TENM4: variants seen among roughly 807,000 people sequenced by gnomAD.
TENM4 encodes teneurin transmembrane protein 4.
A neutral mutation model predicts 243.3 loss-of-function variants in TENM4; 82 were observed. The observed-to-expected ratio is 0.34, with a 90% confidence interval of 0.28 to 0.40. The LOEUF is 0.40. Among genes scored for constraint, TENM4 ranks in the 10% least tolerant of loss-of-function variants. The pLI is 1.00. For synonymous variants in TENM4, 1,412 were observed against 1,456.3 expected, an observed-to-expected ratio of 0.97 and a Z score of 0.69; for missense variants, 3,138 against 3,673.3, an observed-to-expected ratio of 0.85 and a Z score of 3.77.
chr11:79,192,850 T>G (rs1863545721), intron 3 of TENM4, among the ~76,000 whole-genome samples: 1 of 152,206 alleles, frequency 6.6e-6, no homozygotes, highest in African/African-American at 2.4e-5. Flanking sequence ...GACGATATGA[T>G]TATTTTCCCT....
intron 6 of TENM4, among the ~76,000 whole-genome samples, chr11:79,030,444 A>G (rs918312966): frequency 2.0e-5 from 3 of 152,052 alleles, no homozygotes; most frequent in Non-Finnish European, 2.9e-5. Context: ...GCTTGATTCT[A>G]TGGGAAGGCT....
intron 1 of TENM4, among the ~76,000 whole-genome samples, chr11:79,355,048 A>C (rs1590904475): frequency 6.6e-6 from 1 of 152,362 alleles, no homozygotes; most frequent in South Asian, 2.1e-4. Flanking sequence ...TGTTGACAAG[A>C]GTTCCCTAAA....
At chr11:78,890,402 A>T (rs1855636156) in intron 8 of TENM4, among the ~76,000 whole-genome samples, 1 of 152,236 alleles carries the variant, frequency 6.6e-6, no homozygotes, top group South Asian at 2.1e-4. Flanking sequence ...AGTAACTTGG[A>T]AAGGATCTAA....
intron 6 of TENM4, among the ~76,000 whole-genome samples, chr11:79,028,913 T>A (rs1859155712): frequency 6.6e-6 from 1 of 152,094 alleles, no homozygotes; most frequent in African/African-American, 2.4e-5. Flanking sequence ...GGACTCTGAG[T>A]TTAACAAGCA....
intron 3 of TENM4, among the ~76,000 whole-genome samples, chr11:79,201,551 C>G (rs1306186567): frequency 6.6e-6 from 1 of 151,450 alleles, no homozygotes; most frequent in Non-Finnish European, 1.5e-5. Flanking sequence ...AAATAACACA[C>G]ATTTATTGGG....
At chr11:79,082,671 C>G (rs1365201592) in intron 4 of TENM4, among the ~76,000 whole-genome samples, 1 of 152,132 alleles carries the variant, frequency 6.6e-6, no homozygotes, top group Non-Finnish European at 1.5e-5. Flanking sequence ...TGCAAAGGCC[C>G]TTGGGGAGGT....
chr11:79,429,184 C>G (rs1859116130), intron 1 of TENM4, among the ~76,000 whole-genome samples: 1 of 152,184 alleles, frequency 6.6e-6, no homozygotes, highest in South Asian at 2.1e-4. Flanking sequence ...GATCTGCTGT[C>G]TCAATCTAGA....
At chr11:79,369,162 C>T (rs187979241) in intron 1 of TENM4, among the ~76,000 whole-genome samples, 1 of 152,238 alleles carries the variant, frequency 6.6e-6, no homozygotes, top group Admixed American at 6.5e-5. Flanking sequence ...TGGGAACTGT[C>T]CCTGCAGCTG....
chr11:79,314,590 G>C (rs1464058197), intron 1 of TENM4, among the ~76,000 whole-genome samples: 1 of 152,178 alleles, frequency 6.6e-6, no homozygotes, highest in Non-Finnish European at 1.5e-5. Context: ...GTCAGTCTTT[G>C]GTTCCCGGCA....
At chr11:78,668,083 A>G (rs547792348) in intron 32 of TENM4, among the ~76,000 whole-genome samples, 2 of 152,098 alleles carry the variant, frequency 1.3e-5, no homozygotes, top group Non-Finnish European at 2.9e-5. Flanking sequence ...AAGGGAACCA[A>G]CACGAGCCAG....
At chr11:79,027,732 G>A (rs1402998258) in intron 6 of TENM4, among the ~76,000 whole-genome samples, 2 of 152,148 alleles carry the variant, frequency 1.3e-5, no homozygotes, top group Non-Finnish European at 2.9e-5. Context: ...CTTTCCATAG[G>A]AGACATATTT....
chr11:79,070,148 G>T (rs756397248), intron 4 of TENM4, 139 bp from the exon 5 acceptor site: 1 of 1,099,582 alleles, frequency 9.1e-7, no homozygotes, highest in Non-Finnish European at 1.3e-6. Context: ...CCACCACTAC[G>T]CAGCCCATAA....
intron 6 of TENM4, among the ~76,000 whole-genome samples, chr11:79,039,501 G>A (rs1233927872): frequency 2.0e-5 from 3 of 152,242 alleles, no homozygotes; most frequent in Admixed American, 2.0e-4. Flanking sequence ...AGATGTGGAT[G>A]TTGTCATAGG....
chr11:78,903,244 T>C (rs766788743), intron 7 of TENM4, 24 bp downstream of exon 7: 1 of 1,484,964 alleles, frequency 6.7e-7, no homozygotes, highest in South Asian at 1.3e-5. Context: ...CTCCTCAGCC[T>C]CACCCTCCCT....
intron 9 of TENM4, among the ~76,000 whole-genome samples, chr11:78,866,494 G>C (rs1301221334): frequency 6.6e-6 from 1 of 152,026 alleles, no homozygotes; most frequent in Non-Finnish European, 1.5e-5. Context: ...TTGTGGGTAG[G>C]GGTGGGAATA....
chr11:79,336,755 C>G (rs1248253109), intron 1 of TENM4, among the ~76,000 whole-genome samples: 1 of 152,220 alleles, frequency 6.6e-6, no homozygotes, highest in African/African-American at 2.4e-5. Context: ...TCTCTACCCC[C>G]CTGCCCTTTT....
At chr11:79,337,599 C>A (rs531685901) in intron 1 of TENM4, among the ~76,000 whole-genome samples, 1 of 152,142 alleles carries the variant, frequency 6.6e-6, no homozygotes, top group Non-Finnish European at 1.5e-5. Context: ...GACGGACCTT[C>A]GCAAGGTAAA....
chr11:79,229,905 C>T (rs1444239127), intron 2 of TENM4, among the ~76,000 whole-genome samples: 1 of 151,784 alleles, frequency 6.6e-6, no homozygotes, highest in African/African-American at 2.4e-5. Flanking sequence ...CAGCTCACTG[C>T]AGCCTGGAAC....
At chr11:79,422,388 T>C (rs1459732579) in intron 1 of TENM4, among the ~76,000 whole-genome samples, 4 of 152,084 alleles carry the variant, frequency 2.6e-5, no homozygotes, top group Non-Finnish European at 4.4e-5. Flanking sequence ...TCCTGCTGTG[T>C]GGTCTTGGGC....
Sources: gnomAD v4.1 joint callset for allele counts (sites outside exome capture counted in the v4.1 genomes callset) on GRCh38, gnomAD v4.1.1 for gene constraint, MANE v1.5 for transcripts, NCBI Gene and HGNC (gene_info 2026-07-23, HGNC 2026-07-21) for gene names.